ABR: variants seen among roughly 807,000 people sequenced by gnomAD.
The protein encoded by ABR is active breakpoint cluster region-related protein.
ABR carries 35 observed loss-of-function variants against 107.2 expected under a neutral mutation model. The ratio of observed to expected loss-of-function variants is 0.33; its 90% CI spans 0.25 to 0.43. ABR has a LOEUF of 0.43. Among genes scored for constraint, ABR ranks in the 20% least tolerant of loss-of-function variants. The pLI is 1.00. For missense variants in ABR, 815 were observed against 1,115.2 expected, an observed-to-expected ratio of 0.73 and a Z score of 3.83; for synonymous variants, 498 against 462.0, an observed-to-expected ratio of 1.08 and a Z score of -1.00.
At position 1,048,436 on chromosome 17, in the gene ABR, G is replaced by A. The variant is rs1010029358; in HGVS notation, c.1791+1614C>T. On this transcript the variant is annotated intron_variant, in intron 16 of 22. Transcript: ENST00000302538. ...CAGGTAAGAGCCAGATACCAAACTC[G>A]GTGGCCATGACAATGCATCAGAGAA... 9.2e-5 allele frequency among the ~76,000 whole-genome samples: 14 copies of A among 152,252 alleles called. 1 individual carries two copies. The highest frequency in any genetic ancestry group is 2.0e-4 in the Admixed American group (3 of 15,290).
intron 16 of ABR, among the ~76,000 whole-genome samples, chr17:1,042,234 T>C (rs1233718646): frequency 1.3e-5 from 2 of 151,432 alleles, no homozygotes; most frequent in Admixed American, 6.6e-5. Context: ...TAAACAGACA[T>C]GGCACCTACA....
chr17:1,053,631 C>A (rs371507892), intron 14 of ABR, among the ~76,000 whole-genome samples: 12 of 152,184 alleles, frequency 7.9e-5, no homozygotes, highest in African/African-American at 2.9e-4. Flanking sequence ...AGGGCCTCAC[C>A]TCTGAGTGAG....
chr17:1,199,320 G>T (rs941272638), intron 1 of ABR, among the ~76,000 whole-genome samples: 3 of 151,062 alleles, frequency 2.0e-5, no homozygotes, highest in East Asian at 1.9e-4. Flanking sequence ...TAACACACTG[G>T]CAGGGGCTCA....
chr17:1,212,152 G>A (rs1317395272), intron 1 of ABR, among the ~76,000 whole-genome samples: 1 of 146,080 alleles, frequency 6.8e-6, no homozygotes, highest in Non-Finnish European at 1.5e-5. Flanking sequence ...AAAGAGGCTG[G>A]GCATGGTGGC....
At chr17:1,166,494 C>A (rs2041511664) in intron 1 of ABR, among the ~76,000 whole-genome samples, 1 of 152,114 alleles carries the variant, frequency 6.6e-6, no homozygotes, top group South Asian at 2.1e-4. Flanking sequence ...GGCCGGAGGC[C>A]CGGGGGTGTG....
Position 1,067,443 on chromosome 17 carries a change from C to T in ABR, c.1017-201G>A, listed in dbSNP as rs577317062. Reference sequence around the variant, plus strand: ...GCTGGGTTCTGGGGTCCGCCCCGCCCGCAGGGAGCAACTCCGCCCCTTCAC... The same window carrying T: ...GCTGGGTTCTGGGGTCCGCCCCGCCTGCAGGGAGCAACTCCGCCCCTTCAC... On this transcript the variant is annotated intron_variant, in intron 9 of 22. Transcript: ENST00000302538. Among the ~76,000 whole-genome samples, 108 of 152,326 alleles carry T rather than the reference C, an allele frequency of 7.1e-4. 1 individual carries two copies. The highest frequency in any genetic ancestry group is 2.5e-3 in the African/African-American group (105 of 41,574).
At chr17:1,031,664 G>T in intron 16 of ABR, 1 of 1,256,568 alleles carries the variant, frequency 8.0e-7, no homozygotes, top group African/African-American at 1.6e-5. Context: ...GGGGGCGCTT[G>T]CTCCCCGACT....
At chr17:1,041,492 T>C (rs1200505318) in intron 16 of ABR, among the ~76,000 whole-genome samples, 2 of 151,720 alleles carry the variant, frequency 1.3e-5, no homozygotes, top group Admixed American at 1.3e-4. Flanking sequence ...CCCAGCACTT[T>C]GGGAGGCTGA....
At chr17:1,083,737 C>A (rs1464830076) in intron 4 of ABR, 110 bp from the exon 5 acceptor site, 1 of 851,888 alleles carries the variant, frequency 1.2e-6, no homozygotes, top group Non-Finnish European at 2.0e-6. Context: ...CTGAAAACCT[C>A]TCACTCAGCT....
chr17:1,150,947 G>T lies in ABR; in HGVS notation c.62-25580C>A, dbSNP rs1351070688. On this transcript the variant is annotated intron_variant, in intron 1 of 22. Coordinates refer to ENST00000302538, the MANE Select transcript of ABR (RefSeq NM_021962.5). The surrounding 1 kb of genome is among the most constrained non-coding windows in gnomAD (Gnocchi z 4.8). ...ACACTCCTGGGGGTGAGGAGGTCAC[G>T]TATGCAACTTGCTGTCATCTTTCTA... Among the ~76,000 whole-genome samples, 1 of 152,112 alleles carries T rather than the reference G, an allele frequency of 6.6e-6. No individual in the cohort carries two copies. The highest frequency in any genetic ancestry group is 1.5e-5 in the Non-Finnish European group (1 of 68,024).
rs2042058939 is a variant in ABR at position 1,179,774 on chromosome 17, C to T, written c.-47G>A. 3 of 525,180 alleles carry T rather than the reference C, an allele frequency of 5.7e-6. No homozygotes were observed. Among genetic ancestry groups the T allele is most frequent in the East Asian group, 8.5e-5 (2 of 23,518 alleles). The allele number at this position is 525,180 out of a possible 1,614,324, so 32.5% of individuals were successfully genotyped here. On this transcript the variant is annotated 5_prime_UTR_variant, in exon 1 of 23. Transcript: ENST00000302538. This position sits in a 1 kb window ranked among gnomAD's most constrained non-coding sequence, Gnocchi z 4.9. ...GATCCGAAACCCGACCCTCATCGCG[C>T]AACAAAGGAGGGAGAGCGGGCGGGA... is the stretch of plus-strand genomic sequence containing the variant.
At chr17:1,220,492 C>T (rs886079416) in intron 1 of ABR, among the ~76,000 whole-genome samples, 1 of 152,098 alleles carries the variant, frequency 6.6e-6, no homozygotes, top group African/African-American at 2.4e-5. Context: ...GACAGACTCA[C>T]GTGGTGTAAA....
intron 6 of ABR, 132 bp downstream of exon 6, chr17:1,079,198 C>T (rs1303578800): frequency 1.3e-6 from 2 of 1,486,052 alleles, no homozygotes; most frequent in East Asian, 2.5e-5. Flanking sequence ...CACACGCGCT[C>T]ACACACGCTC....
intron 1 of ABR, among the ~76,000 whole-genome samples, chr17:1,143,739 GA>G (rs1282492470): frequency 6.6e-6 from 1 of 152,122 alleles, no homozygotes; most frequent in African/African-American, 2.4e-5. Flanking sequence ...TGGCCGCCTG[GA>G]GAAGCTCAGG....
chr17:1,047,665 C>T (rs1414372120), intron 16 of ABR, among the ~76,000 whole-genome samples: 1 of 152,244 alleles, frequency 6.6e-6, no homozygotes, highest in East Asian at 1.9e-4. Context: ...AGGCATTTAA[C>T]ATTCCTCGAA....
At chr17:1,196,208 T>C (rs1438316616) in intron 1 of ABR, among the ~76,000 whole-genome samples, 1 of 150,266 alleles carries the variant, frequency 6.7e-6, no homozygotes, top group East Asian at 2.0e-4. Flanking sequence ...GGCAGGCGGA[T>C]CACCTGAGGT....
intron 2 of ABR, among the ~76,000 whole-genome samples, chr17:1,101,949 G>A (rs958128235): frequency 2.6e-5 from 4 of 151,960 alleles, no homozygotes; most frequent in African/African-American, 7.3e-5. Context: ...TAGCCAGGAT[G>A]GTCTCGATCT....
chr17:1,172,278 T>G (rs2041744575), intron 1 of ABR, among the ~76,000 whole-genome samples: 2 of 152,320 alleles, frequency 1.3e-5, no homozygotes, highest in South Asian at 4.1e-4. Flanking sequence ...GGGCATTATC[T>G]TCAGCCTCCA....
chr17:1,163,484 G>A (rs1345694257), intron 1 of ABR, among the ~76,000 whole-genome samples: 3 of 151,536 alleles, frequency 2.0e-5, no homozygotes, highest in East Asian at 1.9e-4. Flanking sequence ...GAATCCAGAC[G>A]CAGGGGCCCC....
Sources: gnomAD v4.1 joint callset for allele counts (sites outside exome capture counted in the v4.1 genomes callset) on GRCh38, gnomAD v4.1.1 for gene constraint, Gnocchi (gnomAD v3.1) non-coding constraint, MANE v1.5 for transcripts, NCBI Gene and HGNC (gene_info 2026-07-23, HGNC 2026-07-21) for gene names.